SRGAP3: variants seen among roughly 807,000 people sequenced by gnomAD.
SRGAP3 encodes the protein SLIT-ROBO Rho GTPase activating protein 3, also known as SLIT-ROBO Rho GTPase-activating protein 3.
In SRGAP3, 39 loss-of-function variants were observed where a neutral mutation model predicts 121.1. The observed-to-expected ratio is 0.32, with a 90% CI of 0.25 to 0.42. The LOEUF (loss-of-function observed/expected upper bound fraction) is 0.42, where lower values mean the gene tolerates loss of function less well. Ranked by LOEUF, SRGAP3 falls within the 10% of genes least tolerant of loss-of-function variation. The pLI, the probability that SRGAP3 is intolerant of heterozygous loss-of-function variation, is 1.00. For missense variants in SRGAP3, 1,213 were observed against 1,470.6 expected (o/e 0.82, Z 2.86); for synonymous variants, 601 against 570.0 (o/e 1.05, Z -0.77).
chr3:8,991,132 C>G (rs1232195298), intron 20 of SRGAP3, among the ~76,000 whole-genome samples: 3 of 151,906 alleles, frequency 2.0e-5, no homozygotes, highest in Non-Finnish European at 2.9e-5. Flanking sequence ...CATGCTAAGT[C>G]AAGGCCTACA....
At chr3:8,991,956 G>C (rs963426241) in intron 20 of SRGAP3, among the ~76,000 whole-genome samples, 2 of 152,176 alleles carry the variant, frequency 1.3e-5, no homozygotes, top group African/African-American at 2.4e-5. Flanking sequence ...CAGAAGATAT[G>C]GTCCTCCTAG....
At chr3:9,253,063 T>A (rs941900640), upstream of SRGAP3, among the ~76,000 whole-genome samples, 4 of 152,218 alleles carry the variant, frequency 2.6e-5, no homozygotes, top group Admixed American at 2.6e-4. Context: ...GTAGATTTTA[T>A]CACTGATTTT....
chr3:9,207,260 C>T (rs574772527), intron 1 of SRGAP3, among the ~76,000 whole-genome samples: 6 of 152,272 alleles, frequency 3.9e-5, no homozygotes. Flanking sequence ...TCAGTTCCTG[C>T]AAGCCGGTTT....
At chr3:9,230,373 A>C (rs947834527) in intron 1 of SRGAP3, among the ~76,000 whole-genome samples, 4 of 152,188 alleles carry the variant, frequency 2.6e-5, no homozygotes, top group African/African-American at 9.7e-5. Context: ...GACATTCTCA[A>C]ACTGGATGGG....
intron 1 of SRGAP3, among the ~76,000 whole-genome samples, chr3:9,137,272 G>T (rs765340273): frequency 1.3e-5 from 2 of 152,170 alleles, no homozygotes; most frequent in African/African-American, 2.4e-5. Flanking sequence ...ATTATTCAGG[G>T]TAGTAAAGGC....
intron 15 of SRGAP3, chr3:9,014,067 G>A (rs974988040): frequency 3.4e-5 from 20 of 588,542 alleles, no homozygotes; most frequent in Admixed American, 1.0e-4. Context: ...AATCAGAGTC[G>A]ACTCTCCGGA....
intron 1 of SRGAP3, among the ~76,000 whole-genome samples, chr3:9,199,561 A>G (rs1030447828): frequency 1.3e-5 from 2 of 152,188 alleles, no homozygotes; most frequent in Non-Finnish European, 2.9e-5. Context: ...TGGCTGTATA[A>G]TATTCCATCA....
intron 3 of SRGAP3, among the ~76,000 whole-genome samples, chr3:9,104,161 A>G (rs1197220621): frequency 6.6e-6 from 1 of 152,222 alleles, no homozygotes; most frequent in Non-Finnish European, 1.5e-5. Flanking sequence ...AATGTAATAG[A>G]GTGTTACGTA....
At chr3:9,226,434 G>C (rs968312507) in intron 1 of SRGAP3, among the ~76,000 whole-genome samples, 2 of 152,028 alleles carry the variant, frequency 1.3e-5, no homozygotes, top group Non-Finnish European at 2.9e-5. Context: ...ACCCAGCCTC[G>C]AGCACCTCCT....
intron 1 of SRGAP3, among the ~76,000 whole-genome samples, chr3:9,332,746 T>C (rs1279912619): frequency 6.6e-6 from 1 of 152,192 alleles, no homozygotes; most frequent in Non-Finnish European, 1.5e-5. Context: ...ATAAAACATA[T>C]TAACTGTGGC....
At chr3:8,990,864 G>A in intron 20 of SRGAP3, 25 bp from the exon 21 acceptor site, 3 of 1,486,488 alleles carry the variant, frequency 2.0e-6, no homozygotes, top group South Asian at 1.4e-5. Context: ...GGGGGCGAGG[G>A]GCATGGGGCA....
chr3:9,164,790 G>A (rs558660754), intron 1 of SRGAP3, among the ~76,000 whole-genome samples: 46 of 152,256 alleles, frequency 3.0e-4, no homozygotes, highest in South Asian at 2.7e-3. Flanking sequence ...TACTACTGTC[G>A]GCGTCTACAG....
intron 1 of SRGAP3, among the ~76,000 whole-genome samples, chr3:9,344,502 G>A (rs1446020691): frequency 6.6e-6 from 1 of 152,044 alleles, no homozygotes; most frequent in South Asian, 2.1e-4. Flanking sequence ...TGTGACGGCA[G>A]GCACCTATAA....
At chr3:9,299,065 A>AG (rs1350218561) in intron 3 of SRGAP3, among the ~76,000 whole-genome samples, 1 of 149,428 alleles carries the variant, frequency 6.7e-6, no homozygotes, top group Non-Finnish European at 1.5e-5. Flanking sequence ...AAAAAAAAAA[A>AG]AAAAAGAAAA....
intron 21 of SRGAP3, among the ~76,000 whole-genome samples, chr3:8,988,069 A>C (rs578260234): frequency 1.3e-5 from 2 of 152,086 alleles, no homozygotes; most frequent in East Asian, 3.9e-4. Flanking sequence ...GGAAGTTCAG[A>C]GAAAGATCAG....
At chr3:9,188,099 C>T (rs555279337) in intron 1 of SRGAP3, among the ~76,000 whole-genome samples, 82 of 152,298 alleles carry the variant, frequency 5.4e-4, no homozygotes, top group African/African-American at 1.9e-3. Flanking sequence ...TCTAGCTGTA[C>T]CCTTACCAAA....
At chr3:9,346,073 G>T (rs936288644) in intron 1 of SRGAP3, among the ~76,000 whole-genome samples, 1 of 151,974 alleles carries the variant, frequency 6.6e-6, no homozygotes, top group East Asian at 1.9e-4. Context: ...CACAAAAAAC[G>T]TGCAGTAGTG....
At chr3:9,250,408 C>G (rs1192824122), upstream of SRGAP3, among the ~76,000 whole-genome samples, 2 of 152,088 alleles carry the variant, frequency 1.3e-5, no homozygotes, top group African/African-American at 2.4e-5. Context: ...TAAAAAGCAC[C>G]CCTGGAGTAG....
chr3:9,081,389 G>C, intron 3 of SRGAP3: 1 of 419,150 alleles, frequency 2.4e-6, no homozygotes, highest in Non-Finnish European at 4.7e-6. Flanking sequence ...CATTTCCACT[G>C]TTGGCTGTGT....
Sources: gnomAD v4.1 joint callset for allele counts (sites outside exome capture counted in the v4.1 genomes callset) on GRCh38, gnomAD v4.1.1 for gene constraint, MANE v1.5 for transcripts, NCBI Gene and HGNC (gene_info 2026-07-23, HGNC 2026-07-21) for gene names.